Variants in EDEM2 observed in about 807,000 individuals in gnomAD.
The protein encoded by EDEM2 is ER degradation enhancing alpha-mannosidase like protein 2, also known as ER degradation-enhancing alpha-mannosidase-like protein 2.
In EDEM2, 39 loss-of-function variants were observed where a neutral mutation model predicts 64.8. The ratio of observed to expected loss-of-function variants is 0.60; its 90% CI spans 0.47 to 0.79. The LOEUF (loss-of-function observed/expected upper bound fraction) is 0.79, where lower values mean the gene tolerates loss of function less well. EDEM2 is among the 30% of genes least tolerant of loss of function. The pLI is 0.00. For missense variants in EDEM2, 609 were observed against 731.3 expected (o/e 0.83, Z 1.93); for synonymous variants, 296 against 291.5 (o/e 1.02, Z -0.16).
Position 35,134,912 on chromosome 20 carries a change from C to T in EDEM2, c.528G>A (p.Val176=). 6.2e-7 allele frequency: 1 copy of T among 1,614,148 alleles called. No homozygotes were observed. The highest frequency in any genetic ancestry group is 8.5e-7 in the Non-Finnish European group (1 of 1,180,044). ...CTGGGTTCACGCCATGAAGTAAGTT[C>T]ACTGTTCCATATGGCATGCCAGTGG... ...QTPTGMPYGT[V]NLLHGVNPGE... is the part of the protein sequence containing the mutation. The change falls in exon 6 of 11, where the codon GTG becomes GTA. Residue 176 remains valine, a synonymous_variant. Transcript: ENST00000374492.
chr20:35,136,191 GA>G (rs1299894583), intron 5 of EDEM2, among the ~76,000 whole-genome samples: 1 of 152,166 alleles, frequency 6.6e-6, no homozygotes, highest in Non-Finnish European at 1.5e-5. Flanking sequence ...CAATATTTCA[GA>G]AAAAGTCAGG....
At chr20:35,118,517 TC>T in intron 10 of EDEM2, 80 bp downstream of exon 10, 2 of 1,600,014 alleles carry the variant, frequency 1.2e-6, no homozygotes, top group Non-Finnish European at 8.5e-7. Context: ...ATGTCAGAAC[TC>T]CCAAAGCTCT....
intron 4 of EDEM2, among the ~76,000 whole-genome samples, chr20:35,138,273 T>C (rs1385533575): frequency 1.3e-5 from 2 of 152,228 alleles, no homozygotes; most frequent in Non-Finnish European, 1.5e-5. Context: ...GGGGTTTTCT[T>C]CTCTTGGTTC....
chr20:35,147,172 C>A lies in EDEM2; in HGVS notation c.87G>T (p.Ala29=). The A allele has an allele frequency of 6.2e-7, 1 of 1,602,150 alleles. No homozygotes were observed. The highest frequency in any genetic ancestry group is 8.5e-7 in the Non-Finnish European group (1 of 1,173,164). The stretch of plus-strand genomic sequence containing the variant: ...TTCACCTGTAGTGGGCGGGATCTGG[C>A]GCGGAGCCGTCGGGACCTGGCGCAC... The part of the protein sequence containing the change: ...HHGAPGPDGS[A]PDPAHYRERV... The change falls in exon 1 of 11, where the codon GCG becomes GCT. Residue 29 remains alanine (A), a synonymous_variant. Transcript: ENST00000374492.
intron 7 of EDEM2, among the ~76,000 whole-genome samples, chr20:35,130,745 C>T (rs572018414): frequency 4.7e-4 from 71 of 152,216 alleles, no homozygotes; most frequent in Non-Finnish European, 6.8e-4. Context: ...CTGTGGATAA[C>T]GGGGGACTAC....
chr20:35,130,200 G>A (rs2085489503), intron 7 of EDEM2, among the ~76,000 whole-genome samples: 1 of 151,970 alleles, frequency 6.6e-6, no homozygotes, highest in Non-Finnish European at 1.5e-5. Context: ...CCCAAGTAGT[G>A]GGGACTACAG....
Position 35,123,887 on chromosome 20 carries a change from C to T in EDEM2, c.1114+3G>A. The T allele has an allele frequency of 1.9e-6, 3 of 1,613,432 alleles. No homozygotes were observed. The highest frequency in any genetic ancestry group is 2.5e-6 in the Non-Finnish European group (3 of 1,179,752). On this transcript the variant is annotated splice_donor_region_variant and intron_variant, in intron 9 of 10. Coordinates refer to ENST00000374492, the MANE Select transcript of EDEM2 (RefSeq NM_018217.3). The stretch of plus-strand genomic sequence containing the variant: ...CAGATGACAAGCCAGAAATGCTGCT[C>T]ACCTGGCCGAAGTGGGTAGCCCTCT...
At chr20:35,146,600 C>T (rs1432407187) in intron 2 of EDEM2, among the ~76,000 whole-genome samples, 1 of 152,212 alleles carries the variant, frequency 6.6e-6, no homozygotes, top group Non-Finnish European at 1.5e-5. Flanking sequence ...GGGCTGAGCT[C>T]AGCGATCCAG....
chr20:35,115,748 G>T lies in EDEM2; in HGVS notation c.1422C>A (p.Asn474Lys). The T allele has an allele frequency of 6.2e-7, 1 of 1,613,486 alleles. No individual in the cohort carries two copies. The highest frequency in any genetic ancestry group is 1.1e-5 in the South Asian group (1 of 91,084). ...CILGAGGYIF[N>K]TEAHPIDPAA... Reference sequence around the variant, plus strand: ...CAGGGTCGATGGGGTGAGCTTCTGTGTTGAAGATGTACCCCCCAGCCCCCA... The same window carrying T: ...CAGGGTCGATGGGGTGAGCTTCTGTTTTGAAGATGTACCCCCCAGCCCCCA... The change falls in exon 11 of 11, where the codon AAC becomes AAA. Residue 474 changes from asparagine to lysine, a missense_variant. Physicochemically the swap from Asn to Lys is moderately conservative, Grantham distance 94 (BLOSUM62 0). Transcript: ENST00000374492.
intron 9 of EDEM2, 89 bp from the exon 10 acceptor site, chr20:35,118,808 C>T: frequency 3.2e-6 from 5 of 1,550,054 alleles, no homozygotes; most frequent in Non-Finnish European, 4.4e-6. Context: ...TACTCCCCTC[C>T]ATATCTTGTC....
At chr20:35,121,752 G>T (rs2085371935) in intron 9 of EDEM2, among the ~76,000 whole-genome samples, 1 of 151,980 alleles carries the variant, frequency 6.6e-6, no homozygotes, top group African/African-American at 2.4e-5. Context: ...GGGTAGGAGG[G>T]ATGACTGGAT....
At position 35,137,975 on chromosome 20, in the gene EDEM2, AG is replaced by A; in HGVS notation, c.394del (p.Leu132SerfsTer9). The A allele has an allele frequency of 1.2e-6, 2 of 1,614,124 alleles. No individual in the cohort carries two copies. The highest frequency in any genetic ancestry group is 1.7e-6 in the Non-Finnish European group (2 of 1,180,028). On this transcript the variant is annotated frameshift_variant, in exon 5 of 11. Transcript: ENST00000374492. LOFTEE classifies it high-confidence loss of function. ...TACTTCCACCCCAGCCTTCTTGGAG[AG>A]CAGATGAGCAGACAGGAGTCCTCCT... ...VVGGLLSAHLLSKKAGVEVEA... is the reference protein window; with the variant it reads ...VVGGLLSAHLXSKKAGVEVEA...
At chr20:35,142,559 T>C (rs1245435127) in intron 3 of EDEM2, 81 bp from the exon 4 acceptor site, 2 of 1,029,274 alleles carry the variant, frequency 1.9e-6, no homozygotes, top group African/African-American at 1.6e-5. Flanking sequence ...TATGTTGATG[T>C]GGCCCTCACT....
Position 35,146,948 on chromosome 20 carries a change from C to A in EDEM2, c.108-13G>T. 1 of 1,610,644 alleles carries A rather than the reference C, an allele frequency of 6.2e-7. No individual in the cohort carries two copies. Among genetic ancestry groups the A allele is most frequent in the South Asian group, 1.1e-5 (1 of 90,498 alleles). On this transcript the variant is annotated splice_polypyrimidine_tract_variant and intron_variant, in intron 1 of 10. Coordinates refer to ENST00000374492, the MANE Select transcript of EDEM2 (RefSeq NM_018217.3). ...CTTGACTCGCTCCCTGGGTGGGGGA[C>A]GAGAAATCAGGCATGGGGCAAGAAC... is the stretch of plus-strand genomic sequence containing the variant.
At chr20:35,135,033 G>T in intron 5 of EDEM2, 84 bp from the exon 6 acceptor site, 1 of 1,330,312 alleles carries the variant, frequency 7.5e-7, no homozygotes, top group Non-Finnish European at 1.1e-6. Flanking sequence ...TGGGACCTTA[G>T]CCAGCACTTC....
chr20:35,118,817 T>G, intron 9 of EDEM2, 98 bp from the exon 10 acceptor site: 1 of 1,525,408 alleles, frequency 6.6e-7, no homozygotes, highest in Non-Finnish European at 8.9e-7. Flanking sequence ...CCATATCTTG[T>G]CCATAAGGCC....
intron 7 of EDEM2, among the ~76,000 whole-genome samples, chr20:35,129,373 C>T (rs2085478347): frequency 6.6e-6 from 1 of 151,660 alleles, no homozygotes; most frequent in South Asian, 2.1e-4. Context: ...CACCACTGTA[C>T]TCCAGCCTGG....
chr20:35,140,169 C>G (rs542107910), intron 4 of EDEM2, among the ~76,000 whole-genome samples: 1 of 151,914 alleles, frequency 6.6e-6, no homozygotes, highest in Admixed American at 6.6e-5. Flanking sequence ...GTCTGAGACA[C>G]GAAAAGAAAA....
rs923978659 is a variant in EDEM2, at chr20:35,145,689, A to G, written c.219-671T>C. ...TTTTAAAGTGACAGAAGTGTTTCAT[A>G]TCTTGACTGTGATGGTGGTCACTTC... On this transcript the variant is annotated intron_variant, in intron 2 of 10. Coordinates refer to ENST00000374492, the MANE Select transcript of EDEM2 (RefSeq NM_018217.3). 2.0e-5 allele frequency among the ~76,000 whole-genome samples: 3 copies of G among 152,204 alleles called. No individual in the cohort carries two copies. In the South Asian group the frequency reaches 6.2e-4, roughly 32 times the overall value.
Sources: allele counts gnomAD v4.1 joint callset (sites outside exome capture counted in the v4.1 genomes callset), GRCh38; gene constraint gnomAD v4.1.1; transcripts MANE v1.5; gene names NCBI Gene and HGNC (gene_info 2026-07-23, HGNC 2026-07-21).